Variants in CTSV observed in about 807,000 individuals in gnomAD.
The protein encoded by CTSV is cathepsin L2.
In CTSV, 33 loss-of-function variants were observed where a neutral mutation model predicts 35.6. The ratio of observed to expected loss-of-function variants is 0.93; its 90% CI spans 0.70 to 1.24. The LOEUF (loss-of-function observed/expected upper bound fraction) is 1.24, where lower values mean the gene tolerates loss of function less well. Ranked by LOEUF, CTSV falls within the 50% of genes most tolerant of loss-of-function variation. The pLI, the probability that CTSV is intolerant of heterozygous loss-of-function variation, is 0.00. For synonymous variants in CTSV, 154 were observed against 147.1 expected, an observed-to-expected ratio of 1.05 and a Z score of -0.34; for missense variants, 408 against 413.1, an observed-to-expected ratio of 0.99 and a Z score of 0.11.
At position 97,032,809 on chromosome 9, in the gene CTSV, A is replaced by G. The variant is rs375508007; in HGVS notation, c.*140T>C. The G allele has an allele frequency of 5.5e-6, 3 of 542,436 alleles. No individual in the cohort carries two copies. The highest frequency in any genetic ancestry group is 3.2e-6 in the Non-Finnish European group (1 of 311,906). The allele number at this position is 542,436 out of a possible 1,614,324, so 33.6% of individuals were successfully genotyped here. On this transcript the variant is annotated 3_prime_UTR_variant, in exon 8 of 8. Coordinates refer to ENST00000259470, the MANE Select transcript of CTSV (RefSeq NM_001333.4). ...GTGGTAACATTTTACCCTTGTAAAA[A>G]TGTCACAGAATTAAAATCTCAACTT...
intron 2 of CTSV, 90 bp downstream of exon 2, chr9:97,037,828 G>C: frequency 1.3e-6 from 2 of 1,527,566 alleles, no homozygotes; most frequent in Non-Finnish European, 1.8e-6. Context: ...GTAAGGTCTG[G>C]TGTCTAGAAG....
Position 97,032,983 on chromosome 9 carries a change from C to G in CTSV, c.971G>C (p.Gly324Ala). 1 of 1,613,570 alleles carries G rather than the reference C, an allele frequency of 6.2e-7. No homozygotes were observed. Among genetic ancestry groups the G allele is most frequent in the Non-Finnish European group, 8.5e-7 (1 of 1,179,730 alleles). Residue 324 changes from glycine to alanine, a missense_variant, in exon 8 of 8, where the codon GGA becomes GCA. Coordinates refer to ENST00000259470, the MANE Select transcript of CTSV (RefSeq NM_001333.4). ...KIAKDKNNHC[G>A]IATAASYPNV Reference sequence around the variant, plus strand: ...GGGGTAGCTGGCTGCTGTGGCGATTCCACAGTGGTTGTTCTTGTCTTTGGC... The same window carrying G: ...GGGGTAGCTGGCTGCTGTGGCGATTGCACAGTGGTTGTTCTTGTCTTTGGC...
chr9:97,037,801 T>A, intron 2 of CTSV, 117 bp downstream of exon 2: 1 of 1,423,120 alleles, frequency 7.0e-7, no homozygotes, highest in East Asian at 2.3e-5. Context: ...TAATGGGTGC[T>A]GTTAGGTTAT....
rs891897526 is a variant in CTSV at position 97,029,917 on chromosome 9, A to C, written c.*3032T>G. On this transcript the variant is annotated 3_prime_UTR_variant, in exon 8 of 8. Coordinates refer to ENST00000259470, the MANE Select transcript of CTSV (RefSeq NM_001333.4). ...TACAACTGTGTACAGTACTCAGCAC[A>C]GTGATGTGTTGCACAGGTGCGTAGC... is the stretch of plus-strand genomic sequence containing the variant. 2.0e-5 allele frequency: 3 copies of C among 152,240 alleles called. No individual in the cohort carries two copies. The highest frequency in any genetic ancestry group is 4.4e-5 in the Non-Finnish European group (3 of 68,042). The allele number at this position is 152,240 out of a possible 1,614,324, so 9.4% of individuals were successfully genotyped here.
In CTSV at chr9:97,034,829, G is replaced by T. The variant is rs780000387; in HGVS notation, c.802C>A (p.Pro268Thr). Residue 268 changes from proline (P) to threonine (T), a missense_variant, in exon 7 of 8, where the codon CCA (proline) becomes ACA (threonine). Pro to Thr is a conservative substitution (Grantham distance 38). Transcript: ENST00000259470. Reference protein sequence around the residue: ...QFYKSGIYFEPDCSSKNLDHG... With the variant: ...QFYKSGIYFETDCSSKNLDHG... ...TCCAGGTTTTTGCTGCTGCAGTCTG[G>T]TTCAAAATAAATGCCTGGGAGAGTA... 6.2e-7 allele frequency: 1 copy of T among 1,613,934 alleles called. No individual in the cohort carries two copies. Among genetic ancestry groups the T allele is most frequent in the Non-Finnish European group, 8.5e-7 (1 of 1,179,918 alleles).
rs1415772275 is a variant in CTSV at position 97,032,365 on chromosome 9, T to A, written c.*584A>T. Reference sequence around the variant, plus strand: ...GTGAGCTGAGATCACACTACTGCACTCCAGCCTTGGTGACAGAGTGAGAGA... The same window carrying A: ...GTGAGCTGAGATCACACTACTGCACACCAGCCTTGGTGACAGAGTGAGAGA... On this transcript the variant is annotated 3_prime_UTR_variant, in exon 8 of 8. Transcript: ENST00000259470. 2 of 152,150 alleles carry A rather than the reference T, an allele frequency of 1.3e-5. No homozygotes were observed. The highest frequency in any genetic ancestry group is 6.5e-5 in the Admixed American group (1 of 15,276). The allele number at this position is 152,150 out of a possible 1,614,324, so 9.4% of individuals were successfully genotyped here. A position where few individuals can be genotyped will look rare whatever the true frequency, so the allele number is the denominator to read the frequency against.
intron 6 of CTSV, 40 bp from the exon 7 acceptor site, chr9:97,034,883 G>T: frequency 7.2e-6 from 11 of 1,535,390 alleles, no homozygotes; most frequent in Non-Finnish European, 9.9e-6. Context: ...GAAGCTCCAA[G>T]CGACATGTGA....
intron 1 of CTSV, among the ~76,000 whole-genome samples, 193 bp from the exon 2 acceptor site, chr9:97,038,246 G>T (rs1226462211): frequency 6.6e-6 from 1 of 152,132 alleles, no homozygotes; most frequent in Non-Finnish European, 1.5e-5. Context: ...AGTTGGAGGC[G>T]TTGAAACAGC....
At chr9:97,038,717 C>CGGG (rs1357234122) in intron 1 of CTSV, among the ~76,000 whole-genome samples, 1 of 152,112 alleles carries the variant, frequency 6.6e-6, no homozygotes, top group Non-Finnish European at 1.5e-5. Flanking sequence ...GGGCCAGGAC[C>CGGG]GGGGCCGCAC....
intron 5 of CTSV, 58 bp from the exon 6 acceptor site, chr9:97,035,751 T>C: frequency 8.1e-7 from 1 of 1,237,802 alleles, no homozygotes. Flanking sequence ...TGGGGAACAT[T>C]AGTTCTAGAA....
intron 7 of CTSV, 160 bp downstream of exon 7, chr9:97,034,566 C>A: frequency 1.7e-6 from 1 of 599,766 alleles, no homozygotes; most frequent in South Asian, 2.3e-5. Flanking sequence ...GCAATAACTC[C>A]AAAAAGCTTG....
intron 2 of CTSV, 31 bp from the exon 3 acceptor site, chr9:97,037,646 A>G (rs188254403): frequency 7.6e-5 from 122 of 1,610,112 alleles, no homozygotes; most frequent in Non-Finnish European, 4.2e-6. Flanking sequence ...GGTGGACTTT[A>G]TGTCTACTTA....
chr9:97,039,368 G>C (rs1368655712), upstream of CTSV: 1 of 152,860 alleles, frequency 6.5e-6, no homozygotes, highest in Admixed American at 6.5e-5. Flanking sequence ...CGCGGAGGAG[G>C]GGGAGGCGCC....
chr9:97,037,727 T>C, intron 2 of CTSV, 112 bp from the exon 3 acceptor site: 1 of 1,484,450 alleles, frequency 6.7e-7, no homozygotes, highest in Non-Finnish European at 9.2e-7. Context: ...GATGGGTTGA[T>C]ACTTCTCTGG....
At chr9:97,033,336 G>A (rs1828787977) in intron 7 of CTSV, among the ~76,000 whole-genome samples, 1 of 151,596 alleles carries the variant, frequency 6.6e-6, no homozygotes, top group Admixed American at 6.6e-5. Context: ...AATTGGCCAG[G>A]TGCGGTGCAT....
intron 1 of CTSV, among the ~76,000 whole-genome samples, 193 bp from the exon 2 acceptor site, chr9:97,038,246 G>A (rs1226462211): frequency 6.6e-6 from 1 of 152,132 alleles, no homozygotes; most frequent in Admixed American, 6.5e-5. Flanking sequence ...AGTTGGAGGC[G>A]TTGAAACAGC....
rs1828781897 is a variant in CTSV, at chr9:97,033,041, G to T, written c.913C>A (p.Pro305Thr). Residue 305 changes from proline (P) to threonine (T), a missense_variant, in exon 8 of 8, where the codon CCA (proline) becomes ACA (threonine). By Grantham distance (38) the Pro-to-Thr change is conservative. Transcript: ENST00000259470. ...ACATAGCCATTCGAGCCCCATTCTG[G>T]ACCCCAGCTGAAAGAGGAGCAGGTT... ...KYWLVKNSWGPEWGSNGYVKI... is the reference protein window; with the variant it reads ...KYWLVKNSWGTEWGSNGYVKI... 6.2e-7 allele frequency: 1 copy of T among 1,608,056 alleles called. No homozygotes were observed. Among genetic ancestry groups the T allele is most frequent in the African/African-American group, 1.3e-5 (1 of 74,604 alleles).
chr9:97,037,102 C>T (rs982974462), intron 4 of CTSV, 150 bp downstream of exon 4: 3 of 810,164 alleles, frequency 3.7e-6, no homozygotes, highest in East Asian at 2.7e-5. Context: ...AGCTAAACTC[C>T]GTCTCAAACA....
chr9:97,035,247 T>A (rs1828825956), intron 6 of CTSV, among the ~76,000 whole-genome samples: 1 of 152,150 alleles, frequency 6.6e-6, no homozygotes, highest in East Asian at 1.9e-4. Context: ...TTCTTTACAG[T>A]CCTAATTACA....
Sources: allele counts gnomAD v4.1 joint callset (sites outside exome capture counted in the v4.1 genomes callset), GRCh38; gene constraint gnomAD v4.1.1; transcripts MANE v1.5; gene names NCBI Gene and HGNC (gene_info 2026-07-23, HGNC 2026-07-21).